ZBTB18: variants seen among roughly 807,000 people sequenced by gnomAD.
The protein encoded by ZBTB18 is zinc finger and BTB domain containing 18, also known as zinc finger and BTB domain-containing protein 18.
Under a neutral mutation model 37.7 loss-of-function variants are expected in ZBTB18, and 2 were observed. The observed-to-expected ratio is 0.05, with a 90% CI of 0.02 to 0.17. ZBTB18 has a LOEUF of 0.17. Ranked by LOEUF, ZBTB18 falls within the 10% of genes least tolerant of loss-of-function variation. The pLI, the probability that ZBTB18 is intolerant of heterozygous loss-of-function variation, is 1.00. For synonymous variants in ZBTB18, 304 were observed against 276.5 expected, an observed-to-expected ratio of 1.10 and a Z score of -0.99; for missense variants, 408 against 686.3, an observed-to-expected ratio of 0.59 and a Z score of 4.53.
Position 244,054,761 on chromosome 1 carries a change from C to T in ZBTB18, c.987C>T (p.Asp329=). The T allele has an allele frequency of 2.5e-6, 4 of 1,614,164 alleles. No homozygotes were observed. The highest frequency in any genetic ancestry group is 3.4e-6 in the Non-Finnish European group (4 of 1,180,030). The change falls in exon 2 of 2, where the codon GAC becomes GAT. Residue 329 remains aspartate (D), a synonymous_variant. Coordinates refer to ENST00000358704, the MANE Select transcript of ZBTB18 (RefSeq NM_205768.3). The surrounding 1 kb of genome is among the most constrained non-coding windows in gnomAD (Gnocchi z 9.0). The stretch of plus-strand genomic sequence containing the variant: ...CCCATCTGGCTCCCCTGAGGGAGGA[C>T]TCGGTCTTGAGGGAGCTGGACCGGG... The part of the protein sequence containing the change: ...EPAHLAPLRE[D]SVLRELDRED...
chr1:244,050,628 A>G (rs574625756), upstream of ZBTB18, among the ~76,000 whole-genome samples: 14 of 152,146 alleles, frequency 9.2e-5, no homozygotes, highest in Non-Finnish European at 1.5e-4. Flanking sequence ...GTGCAGTTTC[A>G]GCTTGTTGGT....
In ZBTB18 at chr1:244,054,777, C is replaced by T. The variant is rs1167838495; in HGVS notation, c.1003C>T (p.Leu335=). Residue 335 remains leucine (L), a synonymous_variant, in exon 2 of 2, where the codon CTG becomes TTG. Coordinates refer to ENST00000358704, the MANE Select transcript of ZBTB18 (RefSeq NM_205768.3). The surrounding 1 kb of genome is among the most constrained non-coding windows in gnomAD (Gnocchi z 9.0). ...GAGGGAGGACTCGGTCTTGAGGGAG[C>T]TGGACCGGGAGGACAAAGCCAGTGA... ...PLREDSVLRE[L]DREDKASDDE... 1.2e-6 allele frequency: 2 copies of T among 1,614,118 alleles called. No individual in the cohort carries two copies. The highest frequency in any genetic ancestry group is 1.1e-5 in the South Asian group (1 of 91,080).
At chr1:244,048,704 C>T (rs1451592185), upstream of ZBTB18, among the ~76,000 whole-genome samples, 2 of 141,212 alleles carry the variant, frequency 1.4e-5, no homozygotes, top group African/African-American at 5.1e-5. Context: ...CTCGCTGTGT[C>T]TGGCAGGCTG....
chr1:244,048,943 AG>A (rs1698290983), upstream of ZBTB18: 11 of 156,620 alleles, frequency 7.0e-5, no homozygotes, highest in East Asian at 2.0e-4. Flanking sequence ...GAGGAGGAGG[AG>A]GCGGAGGACG....
In ZBTB18 at chr1:244,051,316, C is replaced by T; in HGVS notation, c.-116C>T. 8.9e-7 allele frequency: 1 copy of T among 1,119,158 alleles called. No individual in the cohort carries two copies. The highest frequency in any genetic ancestry group is 1.3e-6 in the Non-Finnish European group (1 of 751,266). The allele number at this position is 1,119,158 out of a possible 1,614,324, so 69.3% of individuals were successfully genotyped here. ...CGGATCTGTGGTGGAGAAGGTATCT[C>T]ATTCCTCTCTAACATCATCTCCACT... On this transcript the variant is annotated 5_prime_UTR_variant, in exon 1 of 2. Coordinates refer to ENST00000358704, the MANE Select transcript of ZBTB18 (RefSeq NM_205768.3).
intron 1 of ZBTB18, among the ~76,000 whole-genome samples, chr1:244,052,468 A>C (rs1427894151): frequency 6.6e-6 from 1 of 152,228 alleles, no homozygotes; most frequent in African/African-American, 2.4e-5. Flanking sequence ...GAAGAAAGGA[A>C]GTAATTTCTG....
At chr1:244,052,311 C>T (rs1397409564) in intron 1 of ZBTB18, among the ~76,000 whole-genome samples, 1 of 152,186 alleles carries the variant, frequency 6.6e-6, no homozygotes, top group African/African-American at 2.4e-5. Flanking sequence ...TTTTAGCCTT[C>T]TCAAGGATTA....
At position 244,054,640 on chromosome 1, in the gene ZBTB18, G is replaced by C; in HGVS notation, c.866G>C (p.Cys289Ser). The C allele has an allele frequency of 6.2e-7, 1 of 1,614,242 alleles. No individual in the cohort carries two copies. Residue 289 changes from cysteine (C) to serine (S), a missense_variant, in exon 2 of 2, where the codon TGT (cysteine) becomes TCT (serine). Physicochemically the swap from Cys to Ser is moderately radical, Grantham distance 112. Transcript: ENST00000358704. This position sits in a 1 kb window ranked among gnomAD's most constrained non-coding sequence, Gnocchi z 9.0. ...GTGAAGGTGGAGAAAGAGGCTTCCT[G>C]TGATGAGAGTGATGTTGGCACTAAT... The part of the protein sequence containing the change: ...VQVKVEKEAS[C>S]DESDVGTNDY...
At position 244,055,123 on chromosome 1, in the gene ZBTB18, C is replaced by A. The variant is rs573527036; in HGVS notation, c.1349C>A (p.Thr450Asn). 8.1e-6 allele frequency: 13 copies of A among 1,614,200 alleles called. No homozygotes were observed. Among genetic ancestry groups the A allele is most frequent in the Non-Finnish European group, 1.1e-5 (13 of 1,180,052 alleles). ...TCGGGGGAGAAGCCCTACACATGCACCCAGTGCGGCAAGAGCTTCCAGTAC... is the reference window on the plus strand; with the variant it reads ...TCGGGGGAGAAGCCCTACACATGCAACCAGTGCGGCAAGAGCTTCCAGTAC... Reference protein sequence around the residue: ...THSGEKPYTCTQCGKSFQYSH... With the variant: ...THSGEKPYTCNQCGKSFQYSH... Residue 450 changes from threonine to asparagine, a missense_variant, in exon 2 of 2, where the codon ACC becomes AAC. By Grantham distance (65) the Thr-to-Asn change is moderately conservative. Around this residue, in one of 4 missense-constraint regions of ZBTB18, gnomAD observed 25 missense variants for 117.3 expected, o/e 0.21. Coordinates refer to ENST00000358704, the MANE Select transcript of ZBTB18 (RefSeq NM_205768.3). This position sits in a 1 kb window ranked among gnomAD's most constrained non-coding sequence, Gnocchi z 7.0.
rs137889462 is a variant in ZBTB18, at chr1:244,055,235, C to T, written c.1461C>T (p.Ser487=). The T allele has an allele frequency of 7.9e-5, 128 of 1,613,924 alleles. No individual in the cohort carries two copies. The highest frequency in any genetic ancestry group is 1.8e-4 in the South Asian group (16 of 91,092). Residue 487 remains serine (S), a synonymous_variant, in exon 2 of 2, where the codon TCC becomes TCT. Transcript: ENST00000358704. The surrounding 1 kb of genome is among the most constrained non-coding windows in gnomAD (Gnocchi z 7.0). The part of the protein sequence containing the change: ...CKWCERRFTQ[S]GDLYRHIRKF... ...GGTGCGAGCGCAGGTTCACGCAGTC[C>T]GGGGACCTGTACAGACACATTCGCA...
At chr1:244,049,676 C>A (rs1007234295), upstream of ZBTB18, among the ~76,000 whole-genome samples, 3 of 152,214 alleles carry the variant, frequency 2.0e-5, no homozygotes, top group Non-Finnish European at 4.4e-5. Context: ...CCACCTCCTT[C>A]CCTGTGGTTT....
chr1:244,054,311 G>A lies in ZBTB18; in HGVS notation c.537G>A (p.Leu179=), dbSNP rs144434130. The A allele has an allele frequency of 1.2e-6, 2 of 1,614,200 alleles. No individual in the cohort carries two copies. The highest frequency in any genetic ancestry group is 4.5e-5 in the East Asian group (2 of 44,858). ...GAGAAGATGAAAAATTGAACATCCTGCCCAGCAAAAGGGACTTGGCGGCCG... is the reference window on the plus strand; with the variant it reads ...GAGAAGATGAAAAATTGAACATCCTACCCAGCAAAAGGGACTTGGCGGCCG... ...DEGEDEKLNI[L]PSKRDLAAEP... Residue 179 remains leucine (L), a synonymous_variant, in exon 2 of 2, where the codon CTG becomes CTA. Coordinates refer to ENST00000358704, the MANE Select transcript of ZBTB18 (RefSeq NM_205768.3). The surrounding 1 kb of genome is among the most constrained non-coding windows in gnomAD (Gnocchi z 9.0).
Position 244,051,386 on chromosome 1 carries a change from A to G in ZBTB18, c.-46A>G. On this transcript the variant is annotated 5_prime_UTR_variant, in exon 1 of 2. Transcript: ENST00000358704. ...TCTGCTTTTTTTCCACCGATGTAAC[A>G]GACCTGGAGCCAGCAGGACTCAGAG... 1 of 1,611,462 alleles carries G rather than the reference A, an allele frequency of 6.2e-7. No individual in the cohort carries two copies. Among genetic ancestry groups the G allele is most frequent in the Non-Finnish European group, 8.5e-7 (1 of 1,179,160 alleles).
upstream of ZBTB18, among the ~76,000 whole-genome samples, chr1:244,048,628 G>GCCC (rs1325001619): frequency 0.057 from 4,486 of 79,090 alleles, 555 homozygotes; most frequent in Non-Finnish European, 0.086. Flanking sequence ...CCCCGCGCCC[G>GCCC]CCCCCCCCCC....
intron 1 of ZBTB18, among the ~76,000 whole-genome samples, chr1:244,052,324 A>G (rs1004683029): frequency 2.0e-5 from 3 of 152,136 alleles, no homozygotes; most frequent in African/African-American, 7.2e-5. Context: ...AAGGATTAGG[A>G]TTGATGTTAG....
chr1:244,053,777 T>G lies in ZBTB18; in HGVS notation c.14-11T>G, dbSNP rs752224329. 3 of 1,590,426 alleles carry G rather than the reference T, an allele frequency of 1.9e-6. No individual in the cohort carries two copies. Among genetic ancestry groups the G allele is most frequent in the Non-Finnish European group, 2.6e-6 (3 of 1,166,704 alleles). Reference sequence around the variant, plus strand: ...TGACCAGGCTCTAATGAGAAATTCCTCTCTCCCCAGGTTATGAAGACAGTA... The same window carrying G: ...TGACCAGGCTCTAATGAGAAATTCCGCTCTCCCCAGGTTATGAAGACAGTA... On this transcript the variant is annotated splice_polypyrimidine_tract_variant and intron_variant, in intron 1 of 1. Transcript: ENST00000358704. The surrounding 1 kb of genome is among the most constrained non-coding windows in gnomAD (Gnocchi z 5.2).
rs377231809 is a variant in ZBTB18, at chr1:244,054,751, T to C, written c.977T>C (p.Leu326Pro). 136 of 1,613,986 alleles carry C rather than the reference T, an allele frequency of 8.4e-5. No homozygotes were observed. Among genetic ancestry groups the C allele is most frequent in the Non-Finnish European group, 1.1e-4 (124 of 1,179,996 alleles). The stretch of plus-strand genomic sequence containing the variant: ...TATGAGCCGGCCCATCTGGCTCCCC[T>C]GAGGGAGGACTCGGTCTTGAGGGAG... ...VQYEPAHLAP[L>P]REDSVLRELD... The change falls in exon 2 of 2, where the codon CTG (leucine) becomes CCG (proline). Residue 326 changes from leucine to proline, a missense_variant. By Grantham distance (98) the Leu-to-Pro change is moderately conservative. This residue lies in a region of ZBTB18 where 266 missense variants were observed against 312.0 expected (regional missense o/e 0.85). Transcript: ENST00000358704. The surrounding 1 kb of genome is among the most constrained non-coding windows in gnomAD (Gnocchi z 9.0).
In ZBTB18 at chr1:244,057,240, C is replaced by T. The variant is rs568163000; in HGVS notation, c.*1870C>T. ...AAGACAATCAATGTCTGTGAGAAAA[C>T]GGACTTTCTTTTGGATTTTCTTTTT... is the stretch of plus-strand genomic sequence containing the variant. On this transcript the variant is annotated 3_prime_UTR_variant, in exon 2 of 2. Transcript: ENST00000358704. 32 of 167,022 alleles carry T rather than the reference C, an allele frequency of 1.9e-4. No homozygotes were observed. Among genetic ancestry groups the T allele is most frequent in the Admixed American group, 1.9e-3 (29 of 15,284 alleles). 10.3% of individuals were successfully genotyped at this position (167,022 alleles called of 1,614,324 possible).
intron 1 of ZBTB18, 98 bp downstream of exon 1, chr1:244,051,542 A>G: frequency 7.0e-7 from 1 of 1,418,972 alleles, no homozygotes; most frequent in Non-Finnish European, 9.9e-7. Context: ...CAGTTTAGGA[A>G]TAATATATGA....
Sources: gnomAD v4.1 joint callset for allele counts (sites outside exome capture counted in the v4.1 genomes callset) on GRCh38, gnomAD v4.1.1 for gene constraint, gnomAD v4.1.1 regional missense constraint, Gnocchi (gnomAD v3.1) non-coding constraint, MANE v1.5 for transcripts, NCBI Gene and HGNC (gene_info 2026-07-23, HGNC 2026-07-21) for gene names.